The following NRG2 variants were observed in gnomAD, a reference collection of about 807,000 sequenced individuals.
NRG2 encodes neuregulin 2, also known as pro-neuregulin-2, membrane-bound isoform.
In NRG2, 27 loss-of-function variants were observed where a neutral mutation model predicts 73.9. That is an observed-to-expected ratio of 0.37 (90% CI 0.27 to 0.50). The LOEUF is 0.50. Ranked by LOEUF, NRG2 falls within the 20% of genes least tolerant of loss-of-function variation. NRG2 has a pLI of 0.96. For missense variants in NRG2, 1,126 were observed against 1,210.1 expected (o/e 0.93, Z 1.03); for synonymous variants, 532 against 541.0 (o/e 0.98, Z 0.23).
intron 1 of NRG2, among the ~76,000 whole-genome samples, chr5:140,031,647 T>G (rs1050194868): frequency 2.0e-5 from 3 of 152,066 alleles, no homozygotes; most frequent in Non-Finnish European, 4.4e-5. Context: ...GACTGGTAAA[T>G]AAACCCTCCT....
intron 1 of NRG2, among the ~76,000 whole-genome samples, chr5:139,969,570 T>A (rs1755823931): frequency 6.6e-6 from 1 of 152,176 alleles, no homozygotes; most frequent in Non-Finnish European, 1.5e-5. Context: ...GATCTTAGTG[T>A]CTCCTGCAAT....
chr5:139,848,689 G>A lies in NRG2; in HGVS notation c.1781C>T (p.Ser594Leu). 1 of 1,473,086 alleles carries A rather than the reference G, an allele frequency of 6.8e-7. No homozygotes were observed. Among genetic ancestry groups the A allele is most frequent in the Non-Finnish European group, 9.0e-7 (1 of 1,110,250 alleles). The allele number at this position is 1,473,086 out of a possible 1,614,324, so 91.3% of individuals were successfully genotyped here. Residue 594 changes from serine to leucine, a missense_variant, in exon 10 of 10, where the codon TCG becomes TTG. Physicochemically the swap from Ser to Leu is moderately radical, Grantham distance 145. Coordinates refer to ENST00000361474, the MANE Select transcript of NRG2 (RefSeq NM_004883.3). Reference protein sequence around the residue: ...RDSPHSERYVSALTTPARLSP... With the variant: ...RDSPHSERYVLALTTPARLSP... ...GAGGCGCGCGGGCGTGGTCAGGGCCGACACGTACCTGCGGGGAGAGGCAGA... is the reference window on the plus strand; with the variant it reads ...GAGGCGCGCGGGCGTGGTCAGGGCCAACACGTACCTGCGGGGAGAGGCAGA...
chr5:139,926,778 G>C (rs536772435), intron 1 of NRG2, among the ~76,000 whole-genome samples: 5 of 152,268 alleles, frequency 3.3e-5, no homozygotes, highest in African/African-American at 1.2e-4. Context: ...CTTCTTTCCT[G>C]TTGTCTTGTT....
chr5:139,848,905 G>A (rs1761222218), intron 9 of NRG2, among the ~76,000 whole-genome samples: 1 of 152,172 alleles, frequency 6.6e-6, no homozygotes, highest in Non-Finnish European at 1.5e-5. Flanking sequence ...TATCTGTTAC[G>A]CGGGCATAAC....
At chr5:139,918,449 C>T (rs980528113) in intron 1 of NRG2, among the ~76,000 whole-genome samples, 1 of 152,020 alleles carries the variant, frequency 6.6e-6, no homozygotes, top group Non-Finnish European at 1.5e-5. Context: ...CTTTGTGTAC[C>T]CTTTTACAGC....
In NRG2 at chr5:139,853,114, T is replaced by C; in HGVS notation, c.1293-87A>G. The C allele has an allele frequency of 7.6e-6, 12 of 1,569,580 alleles. No homozygotes were observed. Among genetic ancestry groups the C allele is most frequent in the Non-Finnish European group, 1.0e-5 (12 of 1,157,208 alleles). ...TAGCTATCTCTCTAGGGAAACAGCT[T>C]TTCCTCCTGCCCAGGGTGGCCATGG... On this transcript the variant is annotated intron_variant, in intron 6 of 9. Coordinates refer to ENST00000361474, the MANE Select transcript of NRG2 (RefSeq NM_004883.3). The surrounding 1 kb of genome is among the most constrained non-coding windows in gnomAD (Gnocchi z 4.1).
chr5:139,971,223 T>C (rs908617854), intron 1 of NRG2, among the ~76,000 whole-genome samples: 1 of 152,150 alleles, frequency 6.6e-6, no homozygotes, highest in African/African-American at 2.4e-5. Flanking sequence ...TTGGCATCAA[T>C]TTCATTTTAA....
intron 3 of NRG2, among the ~76,000 whole-genome samples, chr5:139,875,786 C>T (rs2127087258): frequency 6.6e-6 from 1 of 152,250 alleles, no homozygotes. Flanking sequence ...TACGCACACA[C>T]TCTGAGATAC....
chr5:139,912,028 C>T (rs1049626903), intron 1 of NRG2, among the ~76,000 whole-genome samples: 1 of 152,126 alleles, frequency 6.6e-6, no homozygotes, highest in Non-Finnish European at 1.5e-5. Flanking sequence ...AAACAGTTGT[C>T]CCCCGCTGTG....
intron 5 of NRG2, chr5:139,864,970 G>A (rs1286477417): frequency 4.0e-6 from 3 of 747,102 alleles, no homozygotes; most frequent in Non-Finnish European, 7.3e-6. Flanking sequence ...TGGAGGTGGG[G>A]GTGCCGGGGG....
At chr5:139,955,310 G>A (rs1754534972) in intron 1 of NRG2, among the ~76,000 whole-genome samples, 1 of 152,158 alleles carries the variant, frequency 6.6e-6, no homozygotes, top group African/African-American at 2.4e-5. Context: ...AGTTAGCAGA[G>A]TGGAGGGAGG....
intron 1 of NRG2, among the ~76,000 whole-genome samples, chr5:139,937,647 G>C (rs1205817958): frequency 6.6e-6 from 1 of 152,136 alleles, no homozygotes; most frequent in Non-Finnish European, 1.5e-5. Flanking sequence ...ATGTATTTCT[G>C]TATATTAACA....
chr5:139,899,610 T>A (rs540596564), intron 1 of NRG2, among the ~76,000 whole-genome samples: 4 of 152,364 alleles, frequency 2.6e-5, no homozygotes, highest in African/African-American at 9.6e-5. Flanking sequence ...TCAGTGTTCA[T>A]GGCTCCTGTT....
Position 139,943,923 on chromosome 5 carries a change from A to C in NRG2, c.701-56412T>G, listed in dbSNP as rs140803649. 5.3e-4 allele frequency among the ~76,000 whole-genome samples: 80 copies of C among 152,356 alleles called. 1 individual carries two copies. Among genetic ancestry groups the C allele is most frequent in the African/African-American group, 1.9e-3 (79 of 41,590 alleles). ...CATAAACAATATGCAAACAAATGGC[A>C]TGGCTATGCATTCTAATAAAACTTT... is the stretch of plus-strand genomic sequence containing the variant. On this transcript the variant is annotated intron_variant, in intron 1 of 9. Transcript: ENST00000361474.
chr5:139,859,750 G>A (rs1040648933), intron 5 of NRG2: 8 of 834,880 alleles, frequency 9.6e-6, no homozygotes, highest in East Asian at 2.7e-5. Context: ...AGGACATCTC[G>A]ATGGGGCCAG....
intron 1 of NRG2, among the ~76,000 whole-genome samples, chr5:140,021,792 G>T (rs1341952261): frequency 6.6e-6 from 1 of 152,190 alleles, no homozygotes; most frequent in Non-Finnish European, 1.5e-5. Context: ...CACAACGCAT[G>T]AAACAAGCTA....
intron 2 of NRG2, among the ~76,000 whole-genome samples, chr5:139,881,940 C>A (rs1350117365): frequency 6.6e-6 from 1 of 152,208 alleles, no homozygotes; most frequent in Non-Finnish European, 1.5e-5. Context: ...TCTGCAAGGG[C>A]CTGTTCACAG....
At chr5:140,027,645 C>T (rs1379599454) in intron 1 of NRG2, among the ~76,000 whole-genome samples, 1 of 152,168 alleles carries the variant, frequency 6.6e-6, no homozygotes, top group Non-Finnish European at 1.5e-5. Flanking sequence ...TAATCTCTTA[C>T]TGTGCCTAAT....
chr5:139,968,515 C>T (rs1325981663), intron 1 of NRG2, among the ~76,000 whole-genome samples: 1 of 152,128 alleles, frequency 6.6e-6, no homozygotes, highest in Non-Finnish European at 1.5e-5. Flanking sequence ...TCGATCCTCG[C>T]CAAAGGGGAT....
Sources: gnomAD v4.1 joint callset for allele counts (sites outside exome capture counted in the v4.1 genomes callset) on GRCh38, gnomAD v4.1.1 for gene constraint, Gnocchi (gnomAD v3.1) non-coding constraint, MANE v1.5 for transcripts, NCBI Gene and HGNC (gene_info 2026-07-23, HGNC 2026-07-21) for gene names.